COMMD10: variants seen among roughly 807,000 people sequenced by gnomAD.
The protein encoded by COMMD10 is COMM domain-containing protein 10.
COMMD10 carries 33 observed loss-of-function variants against 28.9 expected under a neutral mutation model. That is an observed-to-expected ratio of 1.14 (90% CI 0.87 to 1.53). COMMD10 has a LOEUF of 1.53. Ranked by LOEUF, COMMD10 falls within the 40% of genes most tolerant of loss-of-function variation. COMMD10 has a pLI of 0.00. For missense variants in COMMD10, 310 were observed against 233.4 expected (o/e 1.33, Z -2.14); for synonymous variants, 110 against 81.7 (o/e 1.35, Z -1.87).
intron 1 of COMMD10, 137 bp downstream of exon 1, chr5:116,085,230 C>A (rs551355377): frequency 3.0e-6 from 2 of 668,214 alleles, no homozygotes; most frequent in Admixed American, 5.1e-5. Flanking sequence ...GGTGGGCTGC[C>A]GAGGTTGCGA....
At chr5:116,172,650 G>A (rs1753374562) in intron 5 of COMMD10, among the ~76,000 whole-genome samples, 2 of 152,094 alleles carry the variant, frequency 1.3e-5, no homozygotes, top group African/African-American at 4.8e-5. Context: ...AGTGTTTTGT[G>A]TTATAAAGTC....
chr5:116,175,831 A>G (rs1015145567), intron 5 of COMMD10, among the ~76,000 whole-genome samples: 1 of 152,228 alleles, frequency 6.6e-6, no homozygotes, highest in Admixed American at 6.5e-5. Context: ...TCAAATTCAT[A>G]GAGACAGAAA....
chr5:116,119,176 A>G (rs964576626), intron 4 of COMMD10, among the ~76,000 whole-genome samples: 3 of 152,148 alleles, frequency 2.0e-5, no homozygotes, highest in Non-Finnish European at 4.4e-5. Flanking sequence ...TATGAAGGCC[A>G]GTCTTATGAT....
At chr5:116,220,498 A>C (rs1749222277) in intron 5 of COMMD10, among the ~76,000 whole-genome samples, 2 of 152,066 alleles carry the variant, frequency 1.3e-5, no homozygotes, top group African/African-American at 4.8e-5. Context: ...ATGGAAGGGA[A>C]CATGTCTGTA....
intron 5 of COMMD10, among the ~76,000 whole-genome samples, chr5:116,244,711 T>C (rs1434004541): frequency 7.3e-6 from 1 of 136,430 alleles, no homozygotes; most frequent in African/African-American, 2.7e-5. Flanking sequence ...GAAAATTGAA[T>C]ACCTTCTCCT....
intron 5 of COMMD10, among the ~76,000 whole-genome samples, chr5:116,219,802 A>C (rs1749198618): frequency 6.6e-6 from 1 of 152,196 alleles, no homozygotes; most frequent in Non-Finnish European, 1.5e-5. Context: ...ATGTAATCTT[A>C]TGGTTTTGAA....
chr5:116,232,809 G>T (rs998810761), intron 5 of COMMD10, among the ~76,000 whole-genome samples: 2 of 152,118 alleles, frequency 1.3e-5, no homozygotes, highest in African/African-American at 4.8e-5. Flanking sequence ...CATTTGTTGG[G>T]TACTCTTTTA....
At chr5:116,199,260 TTGA>T (rs976999176) in intron 5 of COMMD10, among the ~76,000 whole-genome samples, 2 of 152,154 alleles carry the variant, frequency 1.3e-5, no homozygotes, top group African/African-American at 2.4e-5. Flanking sequence ...TGTAACTTCT[TTGA>T]TGAGGTTTCT....
At chr5:116,131,214 A>C (rs1342962634) in intron 4 of COMMD10, among the ~76,000 whole-genome samples, 2 of 152,020 alleles carry the variant, frequency 1.3e-5, no homozygotes, top group African/African-American at 4.8e-5. Context: ...AGAGGTGAAT[A>C]GAATATGTAA....
At chr5:116,235,025 A>C (rs962727791) in intron 5 of COMMD10, among the ~76,000 whole-genome samples, 1 of 152,198 alleles carries the variant, frequency 6.6e-6, no homozygotes, top group Non-Finnish European at 1.5e-5. Context: ...TTCAAATGTA[A>C]AGGTGTTTGT....
At chr5:116,268,951 G>T (rs1750681134) in intron 5 of COMMD10, among the ~76,000 whole-genome samples, 1 of 151,436 alleles carries the variant, frequency 6.6e-6, no homozygotes, top group Non-Finnish European at 1.5e-5. Context: ...CTGTTGTGGG[G>T]TGGGGGGAAG....
intron 5 of COMMD10, among the ~76,000 whole-genome samples, chr5:116,151,797 C>G (rs1045697695): frequency 2.0e-5 from 3 of 151,990 alleles, no homozygotes; most frequent in Non-Finnish European, 2.9e-5. Flanking sequence ...TTGATCCTTT[C>G]AAAAAACCAG....
intron 5 of COMMD10, among the ~76,000 whole-genome samples, chr5:116,209,179 T>C (rs1748895928): frequency 6.6e-6 from 1 of 152,192 alleles, no homozygotes; most frequent in South Asian, 2.1e-4. Flanking sequence ...ACTAATTTAA[T>C]AATTTTTTCT....
chr5:116,191,304 C>T (rs1438076156), intron 5 of COMMD10, among the ~76,000 whole-genome samples: 2 of 151,932 alleles, frequency 1.3e-5, no homozygotes, highest in African/African-American at 2.4e-5. Flanking sequence ...GGCCAGAACT[C>T]GGGTGAGGAC....
At chr5:116,127,319 C>T (rs542582872) in intron 4 of COMMD10, among the ~76,000 whole-genome samples, 3 of 152,264 alleles carry the variant, frequency 2.0e-5, no homozygotes, top group African/African-American at 7.2e-5. Context: ...TGCTTTTACA[C>T]CTTTGGTGGG....
At position 116,237,008 on chromosome 5, in the gene COMMD10, TG is replaced by T. The variant is rs539325016; in HGVS notation, c.511-54504del. On this transcript the variant is annotated intron_variant, in intron 5 of 6. Transcript: ENST00000274458. ...GAGTAAAGGGGTTAATGTATTGGGG[TG>T]GGGGTATGCAAATTGCAATTATTGA... Among the ~76,000 whole-genome samples, 391 of 151,868 alleles carry T rather than the reference TG, an allele frequency of 2.6e-3. 1 individual carries two copies. Among genetic ancestry groups the T allele is most frequent in the Non-Finnish European group, 4.4e-3 (300 of 67,930 alleles).
chr5:116,206,246 T>C (rs1283812195), intron 5 of COMMD10, among the ~76,000 whole-genome samples: 2 of 152,186 alleles, frequency 1.3e-5, no homozygotes, highest in African/African-American at 4.8e-5. Context: ...CCTACTCTAT[T>C]TGTTCCATTG....
At chr5:116,098,352 C>G (rs941293711) in intron 4 of COMMD10, among the ~76,000 whole-genome samples, 1 of 152,164 alleles carries the variant, frequency 6.6e-6, no homozygotes, top group African/African-American at 2.4e-5. Context: ...TAGGGTCCTA[C>G]CCACATAAAC....
chr5:116,146,320 T>G (rs1439805845), intron 5 of COMMD10, among the ~76,000 whole-genome samples: 1 of 151,868 alleles, frequency 6.6e-6, no homozygotes, highest in Non-Finnish European at 1.5e-5. Flanking sequence ...AGTAGAGTAT[T>G]AATTTCATAA....
Sources: gnomAD v4.1 joint callset for allele counts (sites outside exome capture counted in the v4.1 genomes callset) on GRCh38, gnomAD v4.1.1 for gene constraint, MANE v1.5 for transcripts, NCBI Gene and HGNC (gene_info 2026-07-23, HGNC 2026-07-21) for gene names.